PCGF6: variants seen among roughly 807,000 people sequenced by gnomAD.
PCGF6 encodes the protein polycomb group ring finger 6, also known as polycomb group RING finger protein 6.
In PCGF6, 24 loss-of-function variants were observed where a neutral mutation model predicts 45.5. The observed-to-expected ratio is 0.53, with a 90% CI of 0.38 to 0.74. PCGF6 has a LOEUF of 0.74. Ranked by LOEUF, PCGF6 falls within the 30% of genes least tolerant of loss-of-function variation. The probability of loss-of-function intolerance (pLI) is 0.00; values close to 1 mark genes in which losing one functional copy is unlikely to be tolerated. For synonymous variants in PCGF6, 152 were observed against 162.1 expected, an observed-to-expected ratio of 0.94 and a Z score of 0.47; for missense variants, 356 against 443.2, an observed-to-expected ratio of 0.80 and a Z score of 1.77.
intron 9 of PCGF6, among the ~76,000 whole-genome samples, chr10:103,304,576 G>C (rs546665445): frequency 2.0e-5 from 3 of 151,724 alleles, no homozygotes; most frequent in South Asian, 4.2e-4. Context: ...CCTAATCTCA[G>C]ATGATCCTCC....
At chr10:103,320,278 G>A (rs917822470) in intron 8 of PCGF6, among the ~76,000 whole-genome samples, 1 of 152,134 alleles carries the variant, frequency 6.6e-6, no homozygotes, top group Non-Finnish European at 1.5e-5. Context: ...ACATCAAAGA[G>A]TAAATACCAC....
intron 8 of PCGF6, among the ~76,000 whole-genome samples, chr10:103,322,923 A>G (rs945949534): frequency 1.3e-5 from 2 of 151,940 alleles, no homozygotes; most frequent in African/African-American, 4.8e-5. Context: ...AACAACCCAC[A>G]AAACACAAAA....
chr10:103,306,349 T>C (rs1390244944), intron 9 of PCGF6, among the ~76,000 whole-genome samples: 1 of 152,088 alleles, frequency 6.6e-6, no homozygotes, highest in Non-Finnish European at 1.5e-5. Flanking sequence ...CCGCCCGCCT[T>C]GGCCTCCCAA....
intron 9 of PCGF6, among the ~76,000 whole-genome samples, chr10:103,304,705 G>C (rs917758575): frequency 6.6e-6 from 1 of 150,974 alleles, no homozygotes; most frequent in Non-Finnish European, 1.5e-5. Flanking sequence ...GCCCAGGCTG[G>C]AGTTCAGTGG....
intron 9 of PCGF6, among the ~76,000 whole-genome samples, chr10:103,304,921 G>A (rs1353231473): frequency 1.3e-5 from 2 of 152,064 alleles, no homozygotes; most frequent in South Asian, 2.1e-4. Flanking sequence ...GATTACAAGC[G>A]TGAGCCATCT....
chr10:103,313,402 T>C (rs894927823), intron 9 of PCGF6, among the ~76,000 whole-genome samples: 3 of 152,016 alleles, frequency 2.0e-5, no homozygotes, highest in Non-Finnish European at 2.9e-5. Flanking sequence ...CTGTTTTGAC[T>C]AAAAATACAA....
At chr10:103,333,488 G>C (rs540163017) in intron 7 of PCGF6, among the ~76,000 whole-genome samples, 1 of 151,958 alleles carries the variant, frequency 6.6e-6, no homozygotes, top group African/African-American at 2.4e-5. Context: ...CTGTGATTTC[G>C]GAATCTTTAA....
intron 5 of PCGF6, among the ~76,000 whole-genome samples, chr10:103,346,609 C>G (rs1158819213): frequency 6.6e-6 from 1 of 151,668 alleles, no homozygotes; most frequent in Non-Finnish European, 1.5e-5. Context: ...GGTGACATCT[C>G]AAAAAATAAT....
At chr10:103,329,270 C>G (rs2093231017) in intron 7 of PCGF6, among the ~76,000 whole-genome samples, 2 of 148,838 alleles carry the variant, frequency 1.3e-5, no homozygotes. Flanking sequence ...AAACTCCTGA[C>G]CTCAGGTGAT....
In PCGF6 at chr10:103,309,953, T is replaced by C. The variant is rs990821193; in HGVS notation, c.996+4233A>G. ...GCAAAACAGAGTGAGACCTTGTCTT[T>C]CTTTTTTTTTTTTTTGAGACAGAGT... On this transcript the variant is annotated intron_variant, in intron 9 of 9. Transcript: ENST00000369847. Among the ~76,000 whole-genome samples the C allele has an allele frequency of 8.1e-5, 12 of 147,284 alleles. No homozygotes were observed. The South Asian group carries it at 1.3e-3, about 16-fold the overall frequency.
At chr10:103,308,787 C>T (rs2093146432) in intron 9 of PCGF6, among the ~76,000 whole-genome samples, 2 of 151,928 alleles carry the variant, frequency 1.3e-5, no homozygotes. Context: ...GTGGGAGAAT[C>T]ACTTGAGCCT....
intron 9 of PCGF6, among the ~76,000 whole-genome samples, chr10:103,305,673 C>T (rs901191516): frequency 6.6e-6 from 1 of 152,138 alleles, no homozygotes; most frequent in African/African-American, 2.4e-5. Context: ...ATGCAGCTCA[C>T]CACTATAATA....
chr10:103,339,810 A>AAC (rs201660003), intron 6 of PCGF6, among the ~76,000 whole-genome samples: 90 of 32,214 alleles, frequency 2.8e-3, no homozygotes, highest in East Asian at 7.5e-3. Flanking sequence ...TCAAAAAAAA[A>AAC]ACACACACAC....
chr10:103,350,267 CAA>C (rs376674913), intron 1 of PCGF6, among the ~76,000 whole-genome samples: 9 of 128,580 alleles, frequency 7.0e-5, no homozygotes, highest in Admixed American at 1.6e-4. Flanking sequence ...CTCCTCGCTA[CAA>C]AAAAAAAAAA....
At chr10:103,327,338 A>C (rs1422727933) in intron 7 of PCGF6, among the ~76,000 whole-genome samples, 2 of 152,176 alleles carry the variant, frequency 1.3e-5, no homozygotes, top group Non-Finnish European at 2.9e-5. Context: ...AGAAAAAACA[A>C]GATGGAGAAG....
chr10:103,337,905 A>T (rs540618602), intron 6 of PCGF6, among the ~76,000 whole-genome samples: 1 of 109,954 alleles, frequency 9.1e-6, no homozygotes, highest in Admixed American at 9.4e-5. Flanking sequence ...TCTACTAAAA[A>T]TACAAAAAAT....
In PCGF6 at chr10:103,350,767, GTCC is replaced by G. The variant is rs751465948; in HGVS notation, c.297_299del (p.Glu99del). 155 of 1,561,884 alleles carry G rather than the reference GTCC, an allele frequency of 9.9e-5. No homozygotes were observed. Among genetic ancestry groups the G allele is most frequent in the Admixed American group, 5.0e-4 (26 of 52,180 alleles). On this transcript the variant is annotated inframe_deletion, in exon 1 of 10. Transcript: ENST00000369847. Reference sequence around the variant, plus strand: ...CCAGCCTCAACGAGAAGTGACTCATGTCCTCCTCCTCCTCCTCTTCTTCCTCCT... The same window carrying G: ...CCAGCCTCAACGAGAAGTGACTCATGTCCTCCTCCTCCTCTTCTTCCTCCT...
intron 6 of PCGF6, among the ~76,000 whole-genome samples, chr10:103,337,150 G>A (rs2093260129): frequency 6.6e-6 from 1 of 151,854 alleles, no homozygotes; most frequent in South Asian, 2.1e-4. Context: ...TTAAAATATG[G>A]TACCCAGAGC....
At position 103,314,189 on chromosome 10, in the gene PCGF6, C is replaced by T. The variant is rs1592056885; in HGVS notation, c.993G>A (p.Met331Ile). 3 of 1,593,746 alleles carry T rather than the reference C, an allele frequency of 1.9e-6. No individual in the cohort carries two copies. The highest frequency in any genetic ancestry group is 2.6e-6 in the Non-Finnish European group (3 of 1,164,294). Residue 331 changes from methionine (M) to isoleucine (I), a missense_variant, in exon 9 of 10, where the codon ATG (methionine) becomes ATA (isoleucine). This residue lies in a region of PCGF6 where 49 missense variants were observed against 93.0 expected (regional missense o/e 0.53). Coordinates refer to ENST00000369847, the MANE Select transcript of PCGF6 (RefSeq NM_001011663.2). Reference protein sequence around the residue: ...EIRRAIGDAAMQDGLLVLHYG... With the variant: ...EIRRAIGDAAIQDGLLVLHYG... Reference sequence around the variant, plus strand: ...CATGGGTATGTCTATAACCTACCTGCATTGCTGCATCACCTATTGCACGTC... The same window carrying T: ...CATGGGTATGTCTATAACCTACCTGTATTGCTGCATCACCTATTGCACGTC...
Sources: allele counts gnomAD v4.1 joint callset (sites outside exome capture counted in the v4.1 genomes callset), GRCh38; gene constraint gnomAD v4.1.1; regional missense constraint gnomAD v4.1.1; transcripts MANE v1.5; gene names NCBI Gene and HGNC (gene_info 2026-07-23, HGNC 2026-07-21).